MCM2: variants seen among roughly 807,000 people sequenced by gnomAD.
The protein encoded by MCM2 is DNA replication licensing factor MCM2.
MCM2 carries 49 observed loss-of-function variants against 86.4 expected under a neutral mutation model. That is an observed-to-expected ratio of 0.57 (90% CI 0.45 to 0.72). The LOEUF is 0.72. Among genes scored for constraint, MCM2 ranks in the 30% least tolerant of loss-of-function variants. MCM2 has a pLI of 0.00. For synonymous variants in MCM2, 475 were observed against 484.6 expected (o/e 0.98, Z 0.26); for missense variants, 1,038 against 1,259.9 (o/e 0.82, Z 2.67).
rs748690122 is a variant in MCM2, at chr3:127,621,147, A to G, written c.2523A>G (p.Ala841=). ...TCTTCATACTGAAGCAGTTAGTGGC[A>G]GAGCAGGTGACATATCAGCGCAACC... ...LLLFILKQLV[A]EQVTYQRNRF... Residue 841 remains alanine (A), a synonymous_variant, in exon 15 of 16, where the codon GCA becomes GCG. Transcript: ENST00000265056. The G allele has an allele frequency of 1.2e-5, 19 of 1,614,116 alleles. No homozygotes were observed. The East Asian group carries it at 4.0e-4, about 34-fold the overall frequency.
At chr3:127,607,921 C>T (rs1176576001) in intron 6 of MCM2, among the ~76,000 whole-genome samples, 1 of 152,242 alleles carries the variant, frequency 6.6e-6, no homozygotes. Context: ...TGACATGGCA[C>T]AGTGCTGGCC....
rs747547424 is a variant in MCM2 at position 127,619,030 on chromosome 3, G to C, written c.2017G>C (p.Glu673Gln). 2 of 1,595,032 alleles carry C rather than the reference G, an allele frequency of 1.3e-6. No individual in the cohort carries two copies. Among genetic ancestry groups the C allele is most frequent in the Non-Finnish European group, 1.7e-6 (2 of 1,167,906 alleles). The change falls in exon 13 of 16, where the codon GAG becomes CAG. Residue 673 changes from glutamate to glutamine, a missense_variant. Transcript: ENST00000265056. ...ACCCTCTCATGGCTTATCTTAGGACGAGATGCTGGCCCGCTTCGTGGTGGG... is the reference window on the plus strand; with the variant it reads ...ACCCTCTCATGGCTTATCTTAGGACCAGATGCTGGCCCGCTTCGTGGTGGG... ...VRDTVDPVQD[E>Q]MLARFVVGSH...
Position 127,619,133 on chromosome 3 carries a change from C to T in MCM2, c.2120C>T (p.Pro707Leu). The change falls in exon 13 of 16, where the codon CCC becomes CTC. Residue 707 changes from proline to leucine, a missense_variant. By Grantham distance (98) the Pro-to-Leu change is moderately conservative (BLOSUM62 -3). Around this residue, in one of 4 missense-constraint regions of MCM2, gnomAD observed 336 missense variants for 425.7 expected, o/e 0.79. Transcript: ENST00000265056. ...GGCAGCGCTGCTGAGCCCGCCATGCCCAACACGTATGGCGTGGAGCCCCTG... is the reference window on the plus strand; with the variant it reads ...GGCAGCGCTGCTGAGCCCGCCATGCTCAACACGTATGGCGTGGAGCCCCTG... ...ANGSAAEPAM[P>L]NTYGVEPLPQ... 1.2e-6 allele frequency: 2 copies of T among 1,614,116 alleles called. No individual in the cohort carries two copies. Among genetic ancestry groups the T allele is most frequent in the Non-Finnish European group, 8.5e-7 (1 of 1,180,022 alleles).
intron 8 of MCM2, among the ~76,000 whole-genome samples, chr3:127,614,034 G>T (rs2074416980): frequency 6.6e-6 from 1 of 152,152 alleles, no homozygotes; most frequent in Non-Finnish European, 1.5e-5. Flanking sequence ...ACCCCTTAAA[G>T]GTCCCACCTT....
chr3:127,602,184 T>G (rs1559860642), intron 2 of MCM2, among the ~76,000 whole-genome samples: 2 of 147,168 alleles, frequency 1.4e-5, no homozygotes, highest in African/African-American at 2.6e-5. Context: ...TTTTTTTTTG[T>G]ATGAACCAAT....
chr3:127,608,999 C>T lies in MCM2; in HGVS notation c.1404C>T (p.Ser468=). 1 of 1,614,102 alleles carries T rather than the reference C, an allele frequency of 6.2e-7. No homozygotes were observed. Among genetic ancestry groups the T allele is most frequent in the Non-Finnish European group, 8.5e-7 (1 of 1,180,022 alleles). ...ATGTGAAGATGATCACTAGCCTCTC[C>T]AAGGATCAGCAGATCGGAGAGAAGG... The part of the protein sequence containing the change: ...DEDVKMITSL[S]KDQQIGEKIF... Residue 468 remains serine (S), a synonymous_variant, in exon 8 of 16, where the codon TCC becomes TCT. Transcript: ENST00000265056.
Position 127,605,114 on chromosome 3 carries a change from G to A in MCM2, c.631G>A (p.Gly211Ser), listed in dbSNP as rs933252319. 45 of 1,614,004 alleles carry A rather than the reference G, an allele frequency of 2.8e-5. No individual in the cohort carries two copies. Among genetic ancestry groups the A allele is most frequent in the Non-Finnish European group, 3.7e-5 (44 of 1,180,046 alleles). The change falls in exon 4 of 16, where the codon GGC becomes AGC. Residue 211 changes from glycine (G) to serine (S), a missense_variant. Coordinates refer to ENST00000265056, the MANE Select transcript of MCM2 (RefSeq NM_004526.4). ...NFLRTHVDSHGHNVFKERISD... is the reference protein window; with the variant it reads ...NFLRTHVDSHSHNVFKERISD... ...CCTGCGCACTCACGTCGACAGCCAC[G>A]GCCACAACGTCTTCAAGGAGCGCAT...
intron 2 of MCM2, among the ~76,000 whole-genome samples, chr3:127,600,758 C>T (rs1276832124): frequency 6.6e-6 from 1 of 151,446 alleles, no homozygotes. Flanking sequence ...CCCTCCCTGT[C>T]TTGACCCTTT....
intron 8 of MCM2, among the ~76,000 whole-genome samples, chr3:127,609,370 A>T (rs2074375714): frequency 6.6e-6 from 1 of 152,172 alleles, no homozygotes. Context: ...TTGAAATTGG[A>T]ACAGAGGCAG....
chr3:127,599,256 AG>A, intron 1 of MCM2, 61 bp from the exon 2 acceptor site: 2 of 1,411,656 alleles, frequency 1.4e-6, no homozygotes, highest in South Asian at 2.4e-5. Flanking sequence ...GATGGTAAAA[AG>A]GAAGCTGTAT....
rs767126816 is a variant in MCM2, at chr3:127,616,956, G to A, written c.1611G>A (p.Glu537=). 28 of 1,614,084 alleles carry A rather than the reference G, an allele frequency of 1.7e-5. No homozygotes were observed. Among genetic ancestry groups the A allele is most frequent in the Non-Finnish European group, 2.3e-5 (27 of 1,180,054 alleles). The change falls in exon 10 of 16, where the codon GAG becomes GAA. Residue 537 remains glutamate, a synonymous_variant. Transcript: ENST00000265056. ...AGTCGCAGTTTCTCAAGTATATTGAGAAAGTGTCCAGCCGAGCCATCTTCA... is the reference window on the plus strand; with the variant it reads ...AGTCGCAGTTTCTCAAGTATATTGAAAAAGTGTCCAGCCGAGCCATCTTCA... ...TAKSQFLKYI[E]KVSSRAIFTT...
intron 8 of MCM2, 98 bp downstream of exon 8, chr3:127,609,121 C>T: frequency 7.7e-7 from 1 of 1,298,744 alleles, no homozygotes; most frequent in Non-Finnish European, 1.1e-6. Flanking sequence ...CTGCTCAAAC[C>T]TTGCCTTATT....
At position 127,620,766 on chromosome 3, in the gene MCM2, G is replaced by A. The variant is rs765979449; in HGVS notation, c.2334G>A (p.Ala778=). ...TGATCCGCATGGCGGAGGCCCACGC[G>A]CGCATCCATCTGCGGGACTATGTGA... ...ESMIRMAEAH[A]RIHLRDYVIE... Residue 778 remains alanine (A), a synonymous_variant, in exon 14 of 16, where the codon GCG becomes GCA. Coordinates refer to ENST00000265056, the MANE Select transcript of MCM2 (RefSeq NM_004526.4). The A allele has an allele frequency of 6.2e-6, 10 of 1,613,918 alleles. 1 individual carries two copies. Among genetic ancestry groups the A allele is most frequent in the East Asian group, 4.5e-5 (2 of 44,902 alleles).
intron 2 of MCM2, among the ~76,000 whole-genome samples, chr3:127,600,235 C>G (rs1430400989): frequency 1.3e-5 from 2 of 152,206 alleles, no homozygotes; most frequent in Non-Finnish European, 2.9e-5. Flanking sequence ...GAGCTGAGAT[C>G]ACACCACTGC....
rs1195772520 is a variant in MCM2, at chr3:127,606,888, C to T, written c.1101+71C>T. 3 of 1,489,744 alleles carry T rather than the reference C, an allele frequency of 2.0e-6. No individual in the cohort carries two copies. The highest frequency in any genetic ancestry group is 2.8e-6 in the Non-Finnish European group (3 of 1,071,482). The allele number at this position is 1,489,744 out of a possible 1,614,324, so 92.3% of individuals were successfully genotyped here. ...CCAGTATGCAGGACCTGACTGGCCT[C>T]TCAGGCTGTGGAAGACCAGTGTGGG... On this transcript the variant is annotated intron_variant, in intron 6 of 15. Coordinates refer to ENST00000265056, the MANE Select transcript of MCM2 (RefSeq NM_004526.4). This position sits in a 1 kb window ranked among gnomAD's most constrained non-coding sequence, Gnocchi z 4.2.
chr3:127,606,541 G>C lies in MCM2; in HGVS notation c.894-69G>C. ...GGCCCAATTTCCAGGACAGTGTGTT[G>C]GGACACTCTCGTCTGCAGCCTGGCC... On this transcript the variant is annotated intron_variant, in intron 5 of 15. Coordinates refer to ENST00000265056, the MANE Select transcript of MCM2 (RefSeq NM_004526.4). This position sits in a 1 kb window ranked among gnomAD's most constrained non-coding sequence, Gnocchi z 4.2. 1 of 1,444,562 alleles carries C rather than the reference G, an allele frequency of 6.9e-7. No homozygotes were observed. The highest frequency in any genetic ancestry group is 1.2e-5 in the South Asian group (1 of 86,160). The allele number at this position is 1,444,562 out of a possible 1,614,324, so 89.5% of individuals were successfully genotyped here. A position where few individuals can be genotyped will look rare whatever the true frequency, so the allele number is the denominator to read the frequency against.
intron 4 of MCM2, among the ~76,000 whole-genome samples, chr3:127,605,553 G>A (rs1010077413): frequency 2.0e-5 from 3 of 147,330 alleles, no homozygotes; most frequent in African/African-American, 7.6e-5. Context: ...CGTTTCTCAT[G>A]CCTCAGCCTC....
chr3:127,614,486 T>C (rs1470932513), intron 8 of MCM2, among the ~76,000 whole-genome samples: 1 of 152,240 alleles, frequency 6.6e-6, no homozygotes, highest in Non-Finnish European at 1.5e-5. Flanking sequence ...TCTCCATCTC[T>C]TTTTTCCTTG....
Position 127,617,956 on chromosome 3 carries a change from C to T in MCM2, c.1901-13C>T, listed in dbSNP as rs769357723. The stretch of plus-strand genomic sequence containing the variant: ...GGAATCCACCCTGATGGAGGTGCTC[C>T]CCTGTGTTTCAGGAGGGCGCTACGA... On this transcript the variant is annotated splice_polypyrimidine_tract_variant and intron_variant, in intron 11 of 15. Transcript: ENST00000265056. The surrounding 1 kb of genome is among the most constrained non-coding windows in gnomAD (Gnocchi z 4.1). 7.5e-6 allele frequency: 12 copies of T among 1,606,330 alleles called. No individual in the cohort carries two copies. In the South Asian group the frequency reaches 1.1e-4, roughly 15 times the overall value.
Sources: allele counts gnomAD v4.1 joint callset (sites outside exome capture counted in the v4.1 genomes callset), GRCh38; gene constraint gnomAD v4.1.1; regional missense constraint gnomAD v4.1.1; non-coding constraint Gnocchi (gnomAD v3.1); transcripts MANE v1.5; gene names NCBI Gene and HGNC (gene_info 2026-07-23, HGNC 2026-07-21).